OSBPL5: variants seen among roughly 807,000 people sequenced by gnomAD.
The protein encoded by OSBPL5 is oxysterol binding protein like 5.
OSBPL5 carries 71 observed loss-of-function variants against 111.2 expected under a neutral mutation model. That is an observed-to-expected ratio of 0.64 (90% CI 0.53 to 0.78). The LOEUF (loss-of-function observed/expected upper bound fraction) is 0.78, where lower values mean the gene tolerates loss of function less well. Ranked by LOEUF, OSBPL5 falls within the 30% of genes least tolerant of loss-of-function variation. The probability of loss-of-function intolerance (pLI) is 0.00; values close to 1 mark genes in which losing one functional copy is unlikely to be tolerated. For missense variants in OSBPL5, 1,210 were observed against 1,189.3 expected, an observed-to-expected ratio of 1.02 and a Z score of -0.26; for synonymous variants, 549 against 513.9, an observed-to-expected ratio of 1.07 and a Z score of -0.93.
At chr11:3,112,473 CTTTTCT>C (rs532595558) in intron 7 of OSBPL5, among the ~76,000 whole-genome samples, 2,444 of 48,612 alleles carry the variant, frequency 0.05, 51 homozygotes, top group African/African-American at 0.13. Context: ...TTTGTGTTTT[CTTTTCT>C]TTTTTTTTTT....
intron 15 of OSBPL5, 40 bp from the exon 16 acceptor site, chr11:3,093,875 G>A (rs1223511839): frequency 1.9e-6 from 3 of 1,583,302 alleles, no homozygotes; most frequent in East Asian, 2.3e-5. Flanking sequence ...GTGAGCGGGG[G>A]CTGGGGCCTC....
intron 1 of OSBPL5, among the ~76,000 whole-genome samples, chr11:3,152,480 A>G (rs1846621548): frequency 6.6e-6 from 1 of 152,156 alleles, no homozygotes; most frequent in African/African-American, 2.4e-5. Context: ...CCACAGGAGA[A>G]GGCTCCTGTG....
chr11:3,150,567 C>T (rs1846548031), intron 1 of OSBPL5, among the ~76,000 whole-genome samples: 1 of 152,172 alleles, frequency 6.6e-6, no homozygotes, highest in African/African-American at 2.4e-5. Context: ...GGTGTCCTGC[C>T]CCACAGACAC....
At chr11:3,135,241 G>C (rs1287204553) in intron 1 of OSBPL5, among the ~76,000 whole-genome samples, 1 of 152,256 alleles carries the variant, frequency 6.6e-6, no homozygotes, top group African/African-American at 2.4e-5. Flanking sequence ...CCGCCAAGGG[G>C]ACACTGGCCC....
At chr11:3,102,870 A>G (rs1452569856) in intron 11 of OSBPL5, among the ~76,000 whole-genome samples, 1 of 152,112 alleles carries the variant, frequency 6.6e-6, no homozygotes, top group Non-Finnish European at 1.5e-5. Context: ...ATGGCTAAAA[A>G]TTTATGAAAA....
intron 1 of OSBPL5, among the ~76,000 whole-genome samples, chr11:3,145,387 C>T (rs1379373507): frequency 6.6e-6 from 1 of 152,226 alleles, no homozygotes; most frequent in Non-Finnish European, 1.5e-5. Flanking sequence ...ACAGGCCAGG[C>T]CACTTCACGA....
At chr11:3,118,975 G>T (rs1858305292) in intron 7 of OSBPL5, among the ~76,000 whole-genome samples, 1 of 151,064 alleles carries the variant, frequency 6.6e-6, no homozygotes, top group Non-Finnish European at 1.5e-5. Context: ...CTTTTATAAG[G>T]TCACTGGGTT....
intron 14 of OSBPL5, among the ~76,000 whole-genome samples, chr11:3,099,231 C>G (rs1339552517): frequency 6.6e-6 from 1 of 152,200 alleles, no homozygotes; most frequent in African/African-American, 2.4e-5. Flanking sequence ...ATATGTGGCT[C>G]CATCTAGTCA....
At chr11:3,125,804 C>CAAAA (rs57633062) in intron 3 of OSBPL5, among the ~76,000 whole-genome samples, 16 of 52,930 alleles carry the variant, frequency 3.0e-4, no homozygotes, top group Non-Finnish European at 4.0e-4. Context: ...GACTCCGTCT[C>CAAAA]AAAAAAAAAA....
At chr11:3,095,118 AG>A (rs1234510804) in intron 14 of OSBPL5, among the ~76,000 whole-genome samples, 5 of 151,928 alleles carry the variant, frequency 3.3e-5, no homozygotes, top group African/African-American at 1.2e-4. Flanking sequence ...GGGCTGTGTG[AG>A]TGCACCCTGG....
At chr11:3,099,490 T>C (rs373966084) in intron 14 of OSBPL5, among the ~76,000 whole-genome samples, 2 of 152,326 alleles carry the variant, frequency 1.3e-5, no homozygotes, top group Admixed American at 6.5e-5. Context: ...AGGAACTCTC[T>C]GTACTTCCTG....
At position 3,107,513 on chromosome 11, in the gene OSBPL5, T is replaced by G; in HGVS notation, c.867-58A>C. On this transcript the variant is annotated intron_variant, in intron 8 of 21. Coordinates refer to ENST00000263650, the MANE Select transcript of OSBPL5 (RefSeq NM_020896.4). This position sits in a 1 kb window ranked among gnomAD's most constrained non-coding sequence, Gnocchi z 6.1. ...CACAGGTGAGAGCCCAGCACAGCCC[T>G]CTGGGCTGCCCACCCCTCGCTGCTC... The G allele has an allele frequency of 6.4e-7, 1 of 1,560,660 alleles. No homozygotes were observed. Among genetic ancestry groups the G allele is most frequent in the Non-Finnish European group, 8.8e-7 (1 of 1,136,412 alleles).
Position 3,088,239 on chromosome 11 carries a change from G to A in OSBPL5, c.2606C>T (p.Ala869Val), listed in dbSNP as rs777638746. The change falls in exon 22 of 22, where the codon GCG becomes GTG. Residue 869 changes from alanine to valine, a missense_variant. Coordinates refer to ENST00000263650, the MANE Select transcript of OSBPL5 (RefSeq NM_020896.4). ...GATGTGGTTAATGAACAGCTGACAC[G>A]CCAGGAACACGCAGAGCAGGAACCA... ...RSWFLLCVFL[A>V]CQLFINHILK 16 of 1,604,670 alleles carry A rather than the reference G, an allele frequency of 1.0e-5. No individual in the cohort carries two copies. Among genetic ancestry groups the A allele is most frequent in the South Asian group, 1.1e-5 (1 of 89,382 alleles).
Position 3,104,042 on chromosome 11 carries a change from C to G in OSBPL5, c.1244+151G>C. ...AGGCCCATCTTGGAGACAGGGCCCC[C>G]TGGGAGGCTACAGCTGCAGAAACAG... On this transcript the variant is annotated intron_variant, in intron 10 of 21. Coordinates refer to ENST00000263650, the MANE Select transcript of OSBPL5 (RefSeq NM_020896.4). The surrounding 1 kb of genome is among the most constrained non-coding windows in gnomAD (Gnocchi z 5.0). 2.0e-6 allele frequency: 2 copies of G among 1,015,738 alleles called. No homozygotes were observed. The highest frequency in any genetic ancestry group is 5.2e-5 in the East Asian group (2 of 38,118). 62.9% of individuals were successfully genotyped at this position (1,015,738 alleles called of 1,614,324 possible). A position where few individuals can be genotyped will look rare whatever the true frequency, so the allele number is the denominator to read the frequency against.
chr11:3,138,844 C>T (rs907694549), intron 1 of OSBPL5, among the ~76,000 whole-genome samples: 4 of 152,252 alleles, frequency 2.6e-5, no homozygotes, highest in African/African-American at 7.2e-5. Context: ...AAGCTGAGCA[C>T]GTGGCTGTGT....
At chr11:3,125,808 A>AT (rs58809506) in intron 3 of OSBPL5, among the ~76,000 whole-genome samples, 66,891 of 123,762 alleles carry the variant, frequency 0.54, 17,546 homozygotes, top group Non-Finnish European at 0.61. Flanking sequence ...CCGTCTCAAA[A>AT]AAAAAAAAAA....
rs1047085332 is a variant in OSBPL5, at chr11:3,147,124, G to A, written c.-21-17955C>T. On this transcript the variant is annotated intron_variant, in intron 1 of 21. Transcript: ENST00000263650. The stretch of plus-strand genomic sequence containing the variant: ...GAACCACAGCCGTGTGACTCACCCC[G>A]TCTCAAGAGGACCGGGCGGGTGGGA... 4.2e-5 allele frequency among the ~76,000 whole-genome samples: 6 copies of A among 141,372 alleles called. 1 individual carries two copies. The highest frequency in any genetic ancestry group is 5.0e-4 in the South Asian group (2 of 4,008). 92.7% of individuals were successfully genotyped at this position (141,372 alleles called of 152,430 possible). A position where few individuals can be genotyped will look rare whatever the true frequency, so the allele number is the denominator to read the frequency against.
chr11:3,090,615 T>C lies in OSBPL5; in HGVS notation c.2341A>G (p.Thr781Ala), dbSNP rs1166852863. The C allele has an allele frequency of 6.2e-7, 1 of 1,613,070 alleles. No homozygotes were observed. Among genetic ancestry groups the C allele is most frequent in the South Asian group, 1.1e-5 (1 of 91,080 alleles). Reference protein sequence around the residue: ...HSQATESSGSTPESCPELSDE... With the variant: ...HSQATESSGSAPESCPELSDE... ...GAGAGCTCTGGGCAGGACTCAGGCG[T>C]GGATCCGCTGCTCTCCGTGGCCTGG... Residue 781 changes from threonine (T) to alanine (A), a missense_variant, in exon 20 of 22, where the codon ACG (threonine) becomes GCG (alanine). Physicochemically the swap from Thr to Ala is moderately conservative, Grantham distance 58 (BLOSUM62 0). Transcript: ENST00000263650.
At position 3,089,857 on chromosome 11, in the gene OSBPL5, C is replaced by T; in HGVS notation, c.2490G>A (p.Gln830=). The T allele has an allele frequency of 6.4e-7, 1 of 1,561,310 alleles. No homozygotes were observed. Among genetic ancestry groups the T allele is most frequent in the Non-Finnish European group, 8.7e-7 (1 of 1,152,872 alleles). The change falls in exon 21 of 22, where the codon CAG becomes CAA. Residue 830 remains glutamine (Q), a synonymous_variant. Transcript: ENST00000263650. Reference sequence around the variant, plus strand: ...TGAGTGTGGCCCACCTGTGCAGCTCCTGCTGGGCCTCTCGGATGGAGAGGA... The same window carrying T: ...TGAGTGTGGCCCACCTGTGCAGCTCTTGCTGGGCCTCTCGGATGGAGAGGA... The part of the protein sequence containing the change: ...EAILSIREAQ[Q]ELHRHLSAML...
Sources: gnomAD v4.1 joint callset for allele counts (sites outside exome capture counted in the v4.1 genomes callset) on GRCh38, gnomAD v4.1.1 for gene constraint, Gnocchi (gnomAD v3.1) non-coding constraint, MANE v1.5 for transcripts, NCBI Gene and HGNC (gene_info 2026-07-23, HGNC 2026-07-21) for gene names.